Variants in NUP160 observed in about 807,000 individuals in gnomAD.
The protein encoded by NUP160 is nuclear pore complex protein Nup160.
Under a neutral mutation model 196.9 loss-of-function variants are expected in NUP160, and 94 were observed. The ratio of observed to expected loss-of-function variants is 0.48; its 90% CI spans 0.40 to 0.57. NUP160 has a LOEUF of 0.57. Ranked by LOEUF, NUP160 falls within the 20% of genes least tolerant of loss-of-function variation. NUP160 has a pLI of 0.00. For synonymous variants in NUP160, 605 were observed against 619.7 expected, an observed-to-expected ratio of 0.98 and a Z score of 0.35; for missense variants, 1,638 against 1,748.3, an observed-to-expected ratio of 0.94 and a Z score of 1.13.
intron 29 of NUP160, among the ~76,000 whole-genome samples, chr11:47,788,873 A>C (rs947267564): frequency 6.6e-6 from 1 of 151,714 alleles, no homozygotes; most frequent in Non-Finnish European, 1.5e-5. Context: ...TTAACTCTTT[A>C]AACTTTTTTT....
intron 33 of NUP160, among the ~76,000 whole-genome samples, chr11:47,783,913 C>T (rs916492275): frequency 6.6e-6 from 1 of 151,812 alleles, no homozygotes. Flanking sequence ...AGGCTGGTCT[C>T]GAATTCCTGA....
Position 47,822,127 on chromosome 11 carries a change from C to T in NUP160, c.1139G>A (p.Arg380His), listed in dbSNP as rs202207413. The stretch of plus-strand genomic sequence containing the variant: ...TGAAGAAATATGATCGAGACTATAG[C>T]GATTACTCTCAGTGCTCACCAACTG... The change falls in exon 8 of 36, where the codon CGC becomes CAC. Residue 380 changes from arginine to histidine, a missense_variant. Arg to His is a conservative substitution (Grantham distance 29). This residue lies in a region of NUP160 where 1,345 missense variants were observed against 1,470.2 expected (regional missense o/e 0.91). Transcript: ENST00000378460. 166 of 1,610,970 alleles carry T rather than the reference C, an allele frequency of 1.0e-4. No individual in the cohort carries two copies. The highest frequency in any genetic ancestry group is 1.7e-4 in the Middle Eastern group (1 of 6,050).
chr11:47,794,419 G>A (rs2097669695), intron 27 of NUP160, among the ~76,000 whole-genome samples: 1 of 152,166 alleles, frequency 6.6e-6, no homozygotes, highest in African/African-American at 2.4e-5. Flanking sequence ...AGTTTGCAGT[G>A]AGCCGAGATT....
exon 35 of NUP160, chr11:47,780,414 G>A: frequency 1.2e-6 from 2 of 1,613,734 alleles, no homozygotes; most frequent in African/African-American, 1.3e-5. Context: ...GAGTATGGAA[G>A]CCACACCATT....
At chr11:47,848,043 A>G in intron 1 of NUP160, 84 bp from the exon 2 acceptor site, 1 of 1,294,066 alleles carries the variant, frequency 7.7e-7, no homozygotes, top group Non-Finnish European at 1.1e-6. Flanking sequence ...AGAGAGTGAC[A>G]GACTGACAAC....
intron 2 of NUP160, 120 bp downstream of exon 2, chr11:47,847,728 A>C: frequency 1.5e-6 from 1 of 687,336 alleles, no homozygotes; most frequent in South Asian, 1.6e-5. Context: ...CTGAAAAAAC[A>C]ATCTTTCTCT....
chr11:47,798,264 TA>T lies in NUP160; in HGVS notation c.2992-3del, dbSNP rs1220309457. 1.3e-6 allele frequency: 2 copies of T among 1,598,626 alleles called. No homozygotes were observed. The highest frequency in any genetic ancestry group is 2.7e-5 in the African/African-American group (2 of 74,382). ...GAAAATACATGTCCTTAGAGTAGCC[TA>T]AATATCAAATGTAGATCAAATATCA... On this transcript the variant is annotated splice_region_variant and splice_polypyrimidine_tract_variant and intron_variant, in intron 24 of 35. Coordinates refer to ENST00000378460, the Ensembl canonical transcript of NUP160.
chr11:47,828,116 A>C (rs905139243), intron 7 of NUP160, among the ~76,000 whole-genome samples: 1 of 152,146 alleles, frequency 6.6e-6, no homozygotes, highest in African/African-American at 2.4e-5. Context: ...CAATCTGCCC[A>C]CCTTGGCCTC....
rs557157070 is a variant in NUP160 at position 47,838,320 on chromosome 11, G to A, written c.749-697C>T. Among the ~76,000 whole-genome samples, 92 of 152,328 alleles carry A rather than the reference G, an allele frequency of 6.0e-4. No homozygotes were observed. The South Asian group carries it at 0.01, about 17-fold the overall frequency. ...TGTGGCTGGTGAAGAGGGGAAGAGT[G>A]AACAGATGAAGTTGGAGACAGCAGT... is the stretch of plus-strand genomic sequence containing the variant. On this transcript the variant is annotated intron_variant, in intron 4 of 35. Coordinates refer to ENST00000378460, the Ensembl canonical transcript of NUP160.
At chr11:47,825,732 C>A (rs748543773) in intron 7 of NUP160, among the ~76,000 whole-genome samples, 2 of 152,046 alleles carry the variant, frequency 1.3e-5, no homozygotes, top group African/African-American at 4.8e-5. Context: ...GGATTACAGG[C>A]ATGAGCCATA....
rs151192803 is a variant in NUP160, at chr11:47,809,405, G to A, written c.2242-876C>T. Among the ~76,000 whole-genome samples the A allele has an allele frequency of 3.5e-3, 533 of 152,092 alleles. 1 individual carries two copies. The highest frequency in any genetic ancestry group is 5.3e-3 in the Non-Finnish European group (358 of 68,006). ...AAAAGCCTTAAAATGTGCATTACCT[G>A]TAGACCAAATTCTAGTTTTTAGAAC... On this transcript the variant is annotated intron_variant, in intron 17 of 35. Coordinates refer to ENST00000378460, the Ensembl canonical transcript of NUP160.
At chr11:47,816,052 A>G in intron 11 of NUP160, 23 bp from the exon 12 acceptor site, 1 of 1,528,758 alleles carries the variant, frequency 6.5e-7, no homozygotes. Context: ...GACATTTTAG[A>G]CTTCTATATA....
At chr11:47,786,372 TG>T (rs1349586976) in intron 32 of NUP160, 80 bp downstream of exon 32, 1 of 851,486 alleles carries the variant, frequency 1.2e-6, no homozygotes, top group African/African-American at 1.7e-5. Flanking sequence ...AAATGATCTA[TG>T]TAGGACAATT....
At chr11:47,818,554 C>CAAA (rs10627601) in intron 10 of NUP160, among the ~76,000 whole-genome samples, 68 of 128,518 alleles carry the variant, frequency 5.3e-4, no homozygotes, top group Non-Finnish European at 1.0e-3. Context: ...CAAAACAAAA[C>CAAA]AAAACAAAAC....
In NUP160 at chr11:47,788,075, C is replaced by T. The variant is rs555976150; in HGVS notation, c.3746+107G>A. On this transcript the variant is annotated intron_variant, in intron 31 of 35. Transcript: ENST00000378460. ...GATTAAACAAAACACTTCTTCAAAT[C>T]ATAAATGATATATGGGCTACTTGGC... 1.6e-4 allele frequency: 149 copies of T among 961,038 alleles called. 2 individuals are homozygous for T. In the African/African-American group the frequency reaches 2.1e-3, roughly 14 times the overall value. 59.5% of individuals were successfully genotyped at this position (961,038 alleles called of 1,614,324 possible). A position where few individuals can be genotyped will look rare whatever the true frequency, so the allele number is the denominator to read the frequency against.
chr11:47,837,406 T>C lies in NUP160; in HGVS notation c.827+139A>G, dbSNP rs1459245912. ...ACTCGGGAGTGTGGCTTTCCTCAGA[T>C]GGAATTTAATGTTATTCTGACTGTT... On this transcript the variant is annotated intron_variant, in intron 5 of 35. Transcript: ENST00000378460. 1.3e-5 allele frequency: 9 copies of C among 676,484 alleles called. No homozygotes were observed. In the East Asian group the frequency reaches 2.1e-4, roughly 16 times the overall value. The allele number at this position is 676,484 out of a possible 1,614,324, so 41.9% of individuals were successfully genotyped here. A position where few individuals can be genotyped will look rare whatever the true frequency, so the allele number is the denominator to read the frequency against.
At chr11:47,819,635 G>C (rs1364437531) in intron 9 of NUP160, among the ~76,000 whole-genome samples, 177 bp from the exon 10 acceptor site, 2 of 152,184 alleles carry the variant, frequency 1.3e-5, no homozygotes, top group African/African-American at 4.8e-5. Context: ...TTTTAGCAGA[G>C]CCTAGTTTTT....
At chr11:47,805,860 G>A (rs572806965) in intron 20 of NUP160, among the ~76,000 whole-genome samples, 3 of 151,820 alleles carry the variant, frequency 2.0e-5, no homozygotes, top group Admixed American at 6.6e-5. Context: ...TTGCTCTGCC[G>A]CCTAGGCTGG....
chr11:47,823,359 T>C (rs569964630), intron 7 of NUP160, among the ~76,000 whole-genome samples: 2 of 152,302 alleles, frequency 1.3e-5, no homozygotes, highest in South Asian at 4.1e-4. Flanking sequence ...CCATTTCCCT[T>C]CAATTCCTAG....
Sources: allele counts gnomAD v4.1 joint callset (sites outside exome capture counted in the v4.1 genomes callset), GRCh38; gene constraint gnomAD v4.1.1; regional missense constraint gnomAD v4.1.1; transcripts MANE v1.5; gene names NCBI Gene and HGNC (gene_info 2026-07-23, HGNC 2026-07-21).